Variants in TTLL9 observed in about 807,000 individuals in gnomAD.
The protein encoded by TTLL9 is probable tubulin polyglutamylase TTLL9.
In TTLL9, 47 loss-of-function variants were observed where a neutral mutation model predicts 65.6. The ratio of observed to expected loss-of-function variants is 0.72; its 90% confidence interval spans 0.57 to 0.91. The LOEUF is 0.91. Among genes scored for constraint, TTLL9 ranks in the 40% least tolerant of loss-of-function variants. TTLL9 has a pLI of 0.00. For missense variants in TTLL9, 537 were observed against 568.8 expected, an observed-to-expected ratio of 0.94 and a Z score of 0.57; for synonymous variants, 179 against 204.8, an observed-to-expected ratio of 0.87 and a Z score of 1.07.
intron 4 of TTLL9, among the ~76,000 whole-genome samples, chr20:31,903,053 A>G (rs901121945): frequency 6.6e-6 from 1 of 151,476 alleles, no homozygotes; most frequent in African/African-American, 2.4e-5. Flanking sequence ...TTTTTTTTGG[A>G]GAGATGGGGT....
intron 3 of TTLL9, 108 bp downstream of exon 3, chr20:31,887,347 T>G: frequency 7.9e-7 from 1 of 1,267,410 alleles, no homozygotes; most frequent in Non-Finnish European, 1.1e-6. Context: ...ATAATGAAAA[T>G]GATAGTAGAA....
intron 3 of TTLL9, among the ~76,000 whole-genome samples, chr20:31,887,907 TGAGTTTCA>T (rs2063221097): frequency 6.6e-6 from 1 of 151,644 alleles, no homozygotes; most frequent in South Asian, 2.1e-4. Flanking sequence ...TCTTCTCTTT[TGAGTTTCA>T]CTCTTGTTAC....
chr20:31,931,361 G>A (rs1036610585), intron 10 of TTLL9, among the ~76,000 whole-genome samples: 6 of 151,902 alleles, frequency 3.9e-5, no homozygotes, highest in African/African-American at 7.3e-5. Context: ...TTACAGCCTC[G>A]ACTTCCCGGG....
rs1292555008 is a variant in TTLL9, at chr20:31,873,659, CAAAA to C, written c.69+2465_69+2468del. Among the ~76,000 whole-genome samples, 347 of 56,384 alleles carry C rather than the reference CAAAA, an allele frequency of 6.2e-3. 2 individuals carry two copies. The highest frequency in any genetic ancestry group is 0.023 in the African/African-American group (324 of 14,152). The allele number at this position is 56,384 out of a possible 152,430, so 37.0% of individuals were successfully genotyped here. On this transcript the variant is annotated intron_variant, in intron 2 of 14. Coordinates refer to ENST00000535842, the MANE Select transcript of TTLL9 (RefSeq NM_001008409.5). ...AGTGAGACCCTGTCAAAAAAAAAGA[CAAAA>C]GAAAGAAAGAAAGAGAGAGAGAGAA...
intron 7 of TTLL9, chr20:31,920,698 G>C (rs1002682549): frequency 4.6e-5 from 7 of 152,758 alleles, no homozygotes; most frequent in African/African-American, 1.7e-4. Context: ...CCTGGAGCAC[G>C]GTCAGTCCCT....
chr20:31,898,954 T>C (rs1181912588), intron 4 of TTLL9, among the ~76,000 whole-genome samples: 2 of 152,240 alleles, frequency 1.3e-5, no homozygotes, highest in African/African-American at 2.4e-5. Context: ...TGCTCTTCCC[T>C]GGCCACTTGC....
chr20:31,917,776 G>A (rs181425674), intron 6 of TTLL9, among the ~76,000 whole-genome samples: 16 of 151,858 alleles, frequency 1.1e-4, no homozygotes, highest in Non-Finnish European at 1.2e-4. Context: ...AGAGAAACAC[G>A]AAAGGTGGCT....
intron 8 of TTLL9, 81 bp downstream of exon 8, chr20:31,923,134 C>T (rs1600600593): frequency 9.0e-7 from 1 of 1,106,150 alleles, no homozygotes; most frequent in Admixed American, 1.7e-5. Context: ...CAGCAGCCTG[C>T]CAAGGGCCCA....
chr20:31,885,331 A>G (rs1182676580), intron 2 of TTLL9, among the ~76,000 whole-genome samples: 1 of 151,830 alleles, frequency 6.6e-6, no homozygotes, highest in Admixed American at 6.6e-5. Context: ...TGATAGTGAC[A>G]TAAGGATAGA....
At chr20:31,892,774 G>A (rs923113556) in intron 3 of TTLL9, among the ~76,000 whole-genome samples, 5 of 152,132 alleles carry the variant, frequency 3.3e-5, no homozygotes, top group African/African-American at 1.2e-4. Flanking sequence ...ATTACAATAT[G>A]CATCCTTACC....
chr20:31,934,713 C>G lies in TTLL9; in HGVS notation c.829C>G (p.Arg277Gly), dbSNP rs369485862. 8.7e-6 allele frequency: 14 copies of G among 1,611,396 alleles called. No individual in the cohort carries two copies. Among genetic ancestry groups the G allele is most frequent in the Non-Finnish European group, 1.2e-5 (14 of 1,179,584 alleles). ...CCAGGGCTGCAAGTGGACGCTGCAGCGCTTCCGGCAGTACCTGGCGTCCAA... is the reference window on the plus strand; with the variant it reads ...CCAGGGCTGCAAGTGGACGCTGCAGGGCTTCCGGCAGTACCTGGCGTCCAA... ...PKKGCKWTLQ[R>G]FRQYLASKHG... The change falls in exon 12 of 15, where the codon CGC becomes GGC. Residue 277 changes from arginine (R) to glycine (G), a missense_variant. Physicochemically the swap from Arg to Gly is moderately radical, Grantham distance 125. Transcript: ENST00000535842.
At chr20:31,925,790 G>A (rs757216890) in intron 9 of TTLL9, 2 of 1,277,812 alleles carry the variant, frequency 1.6e-6, no homozygotes, top group Non-Finnish European at 2.2e-6. Context: ...GGAGGAAACG[G>A]TAGGTGCAAG....
intron 10 of TTLL9, among the ~76,000 whole-genome samples, chr20:31,929,185 C>T (rs1005585290): frequency 3.3e-5 from 5 of 152,186 alleles, no homozygotes; most frequent in Admixed American, 6.5e-5. Context: ...CGTGAGCCAC[C>T]GTGCCCAGCC....
Position 31,919,922 on chromosome 20 carries a change from A to T in TTLL9, c.563A>T (p.Asp188Val). Residue 188 changes from aspartate (D) to valine (V), a missense_variant, in exon 7 of 15, where the codon GAC becomes GTC. Physicochemically the swap from Asp to Val is radical, Grantham distance 152. Transcript: ENST00000535842. ...FLFRRLKDIVDWRKDTRSSDD... is the reference protein window; with the variant it reads ...FLFRRLKDIVVWRKDTRSSDD... ...TTCCGTAGGCTGAAGGACATCGTGG[A>T]CTGGAGGAAGGTGAGCCTGCCTCTT... 6.9e-6 allele frequency: 11 copies of T among 1,590,336 alleles called. No homozygotes were observed. Among genetic ancestry groups the T allele is most frequent in the Non-Finnish European group, 9.4e-6 (11 of 1,168,876 alleles).
At chr20:31,889,424 C>T (rs1230169288) in intron 3 of TTLL9, among the ~76,000 whole-genome samples, 1 of 144,420 alleles carries the variant, frequency 6.9e-6, no homozygotes, top group Non-Finnish European at 1.5e-5. Context: ...GTGCACCTGG[C>T]TAATTTTTTT....
intron 3 of TTLL9, among the ~76,000 whole-genome samples, chr20:31,891,626 C>G (rs2123439538): frequency 6.6e-6 from 1 of 152,112 alleles, no homozygotes; most frequent in African/African-American, 2.4e-5. Flanking sequence ...AGGCATGAGC[C>G]ACCATGCCCA....
At chr20:31,871,594 A>G (rs963380413) in intron 2 of TTLL9, among the ~76,000 whole-genome samples, 1 of 152,218 alleles carries the variant, frequency 6.6e-6, no homozygotes, top group Non-Finnish European at 1.5e-5. Context: ...AGCCCTTTGA[A>G]ATACAGTGAT....
At chr20:31,875,155 G>A (rs1600509302) in intron 2 of TTLL9, among the ~76,000 whole-genome samples, 1 of 152,142 alleles carries the variant, frequency 6.6e-6, no homozygotes, top group Admixed American at 6.5e-5. Flanking sequence ...CTTGTGGGAT[G>A]TGGTTTCTGC....
rs542780422 is a variant in TTLL9 at position 31,920,397 on chromosome 20, C to T, written c.573+465C>T. The stretch of plus-strand genomic sequence containing the variant: ...TAGACTGAGCCTCGGGGGCAGCTAC[C>T]TCCCAACCCCAATCCATTCTTGTCC... On this transcript the variant is annotated intron_variant, in intron 7 of 14. Coordinates refer to ENST00000535842, the MANE Select transcript of TTLL9 (RefSeq NM_001008409.5). Among the ~76,000 whole-genome samples the T allele has an allele frequency of 7.2e-5, 11 of 152,196 alleles. No individual in the cohort carries two copies. In the South Asian group the frequency reaches 2.3e-3, roughly 32 times the overall value.
Sources: gnomAD v4.1 joint callset for allele counts (sites outside exome capture counted in the v4.1 genomes callset) on GRCh38, gnomAD v4.1.1 for gene constraint, MANE v1.5 for transcripts, NCBI Gene and HGNC (gene_info 2026-07-23, HGNC 2026-07-21) for gene names.